DSCAM: variants seen among roughly 807,000 people sequenced by gnomAD.
The protein encoded by DSCAM is cell adhesion molecule DSCAM.
Under a neutral mutation model 217.7 loss-of-function variants are expected in DSCAM, and 47 were observed. The observed-to-expected ratio is 0.22, with a 90% CI of 0.17 to 0.28. The LOEUF (loss-of-function observed/expected upper bound fraction) is 0.28. DSCAM is among the 10% of genes least tolerant of loss of function. The pLI is 1.00. For synonymous variants in DSCAM, 1,056 were observed against 1,015.3 expected (o/e 1.04, Z -0.76); for missense variants, 2,080 against 2,618.3 (o/e 0.79, Z 4.49).
At chr21:40,194,942 T>C (rs1166223908) in intron 11 of DSCAM, among the ~76,000 whole-genome samples, 1 of 152,150 alleles carries the variant, frequency 6.6e-6, no homozygotes, top group East Asian at 1.9e-4. Context: ...TGTTAAACAT[T>C]TACCAGAATA....
At chr21:40,075,939 C>T (rs1369860232) in intron 26 of DSCAM, among the ~76,000 whole-genome samples, 4 of 152,154 alleles carry the variant, frequency 2.6e-5, no homozygotes, top group East Asian at 1.9e-4. Flanking sequence ...TGCTCAGTAC[C>T]GTGGGTGCAG....
chr21:40,723,808 T>G (rs956066454), intron 1 of DSCAM, among the ~76,000 whole-genome samples: 3 of 152,322 alleles, frequency 2.0e-5, no homozygotes, highest in African/African-American at 7.2e-5. Flanking sequence ...TGAGGTGCTA[T>G]AAGAACACAC....
At chr21:40,652,479 T>C (rs2090027238) in intron 3 of DSCAM, among the ~76,000 whole-genome samples, 2 of 152,178 alleles carry the variant, frequency 1.3e-5, no homozygotes, top group South Asian at 4.1e-4. Flanking sequence ...GCCAGAACCA[T>C]TTTTTTCCAC....
At chr21:40,258,109 T>C (rs990685241) in intron 11 of DSCAM, among the ~76,000 whole-genome samples, 3 of 152,228 alleles carry the variant, frequency 2.0e-5, no homozygotes, top group Admixed American at 6.5e-5. Context: ...AAACATGGCA[T>C]CTGACCTGCA....
intron 3 of DSCAM, among the ~76,000 whole-genome samples, chr21:40,437,302 G>A (rs564695055): frequency 1.3e-5 from 2 of 152,146 alleles, no homozygotes; most frequent in South Asian, 4.2e-4. Flanking sequence ...ATCACAAGGG[G>A]GATTCAAGAA....
intron 20 of DSCAM, among the ~76,000 whole-genome samples, chr21:40,101,790 G>A (rs999707638): frequency 1.3e-5 from 2 of 151,930 alleles, no homozygotes; most frequent in African/African-American, 4.8e-5. Flanking sequence ...AGGTGGTGGG[G>A]GGGGGTCCAG....
chr21:40,219,700 T>G (rs989735050), intron 11 of DSCAM, among the ~76,000 whole-genome samples: 4 of 152,210 alleles, frequency 2.6e-5, no homozygotes, highest in Non-Finnish European at 4.4e-5. Context: ...AATGTAAATA[T>G]TTGTGCATCT....
chr21:40,021,183 G>C (rs1391855777), intron 32 of DSCAM, among the ~76,000 whole-genome samples: 2 of 143,990 alleles, frequency 1.4e-5, no homozygotes, highest in African/African-American at 5.2e-5. Context: ...TCTAACCTGG[G>C]CGATAGAGCG....
chr21:40,419,986 T>C (rs181608412), intron 3 of DSCAM, among the ~76,000 whole-genome samples: 4 of 152,262 alleles, frequency 2.6e-5, no homozygotes, highest in African/African-American at 9.6e-5. Context: ...ACTGAAGGAA[T>C]GCTTTTGAGT....
At chr21:40,213,677 G>T (rs774546660) in intron 11 of DSCAM, among the ~76,000 whole-genome samples, 1 of 152,320 alleles carries the variant, frequency 6.6e-6, no homozygotes, top group Non-Finnish European at 1.5e-5. Flanking sequence ...TGGGTGAGAA[G>T]CTAGAAGGGA....
At chr21:40,611,546 T>C (rs1196528898) in intron 3 of DSCAM, among the ~76,000 whole-genome samples, 1 of 152,204 alleles carries the variant, frequency 6.6e-6, no homozygotes, top group East Asian at 1.9e-4. Flanking sequence ...TGCCCAACAC[T>C]GTGTGTGGCC....
intron 1 of DSCAM, among the ~76,000 whole-genome samples, chr21:40,767,701 C>T (rs1247158326): frequency 1.3e-5 from 2 of 152,182 alleles, no homozygotes; most frequent in Non-Finnish European, 2.9e-5. Flanking sequence ...TGATCACTTG[C>T]TATTAATCCC....
intron 3 of DSCAM, among the ~76,000 whole-genome samples, chr21:40,476,469 A>G (rs8129027): frequency 1.3e-5 from 2 of 152,222 alleles, no homozygotes; most frequent in African/African-American, 2.4e-5. Context: ...TCAATTTATC[A>G]TAATAATATT....
intron 1 of DSCAM, among the ~76,000 whole-genome samples, chr21:40,736,808 AG>A (rs566493906): frequency 1.3e-5 from 2 of 151,628 alleles, no homozygotes; most frequent in African/African-American, 2.4e-5. Flanking sequence ...TAAATAGCAT[AG>A]GGTTTTTTTT....
At chr21:40,422,322 T>C (rs1200674894) in intron 3 of DSCAM, among the ~76,000 whole-genome samples, 1 of 152,200 alleles carries the variant, frequency 6.6e-6, no homozygotes, top group Non-Finnish European at 1.5e-5. Flanking sequence ...TGTGCCTGGA[T>C]AGAAAGCTTT....
intron 3 of DSCAM, among the ~76,000 whole-genome samples, chr21:40,663,592 G>A (rs2090166894): frequency 1.3e-5 from 2 of 152,148 alleles, no homozygotes; most frequent in African/African-American, 4.8e-5. Flanking sequence ...CCTAGACATG[G>A]TGACTCGTTC....
At chr21:40,325,890 C>A (rs2074311949) in intron 8 of DSCAM, among the ~76,000 whole-genome samples, 1 of 152,066 alleles carries the variant, frequency 6.6e-6, no homozygotes, top group South Asian at 2.1e-4. Flanking sequence ...CCTAACAATT[C>A]TACTACTGGC....
chr21:40,361,129 T>TTATA (rs535296947), intron 4 of DSCAM, among the ~76,000 whole-genome samples: 279 of 149,156 alleles, frequency 1.9e-3, no homozygotes, highest in African/African-American at 5.1e-3. Flanking sequence ...CTTCAAACTT[T>TTATA]TATATATATA....
At position 40,089,850 on chromosome 21, in the gene DSCAM, A is replaced by G. The variant is rs967959284; in HGVS notation, c.3851-2563T>C. Among the ~76,000 whole-genome samples the G allele has an allele frequency of 2.6e-5, 4 of 151,036 alleles. No homozygotes were observed. In the Admixed American group the frequency reaches 2.7e-4, roughly 10 times the overall value. On this transcript the variant is annotated intron_variant, in intron 21 of 32. Transcript: ENST00000400454. ...CCTAACCCTGAGTCAACCTCCCTTA[A>G]GCATGAAAAGTTGAACATTTCTGGA...
Sources: allele counts gnomAD v4.1 joint callset (sites outside exome capture counted in the v4.1 genomes callset), GRCh38; gene constraint gnomAD v4.1.1; transcripts MANE v1.5; gene names NCBI Gene and HGNC (gene_info 2026-07-23, HGNC 2026-07-21).